SMAD1: variants seen among roughly 807,000 people sequenced by gnomAD.
SMAD1 encodes SMAD family member 1.
In SMAD1, 6 loss-of-function variants were observed where a neutral mutation model predicts 41.6. That is an observed-to-expected ratio of 0.14 (90% CI 0.08 to 0.28). SMAD1 has a LOEUF of 0.28. Among genes scored for constraint, SMAD1 ranks in the 10% least tolerant of loss-of-function variants. The pLI is 1.00. For synonymous variants in SMAD1, 206 were observed against 203.2 expected (o/e 1.01, Z -0.12); for missense variants, 379 against 582.6 (o/e 0.65, Z 3.60).
intron 1 of SMAD1, among the ~76,000 whole-genome samples, chr4:145,494,563 A>G (rs747880849): frequency 1.3e-5 from 2 of 152,042 alleles, no homozygotes; most frequent in African/African-American, 4.8e-5. Flanking sequence ...TCCCTTGTCT[A>G]CTCATCAAAA....
chr4:145,492,567 A>G (rs1349388719), intron 1 of SMAD1, among the ~76,000 whole-genome samples: 1 of 152,102 alleles, frequency 6.6e-6, no homozygotes, highest in African/African-American at 2.4e-5. Flanking sequence ...AGCTCTCTGA[A>G]CCTTGTCCTC....
At chr4:145,507,399 A>T (rs2126370615) in intron 1 of SMAD1, among the ~76,000 whole-genome samples, 1 of 152,150 alleles carries the variant, frequency 6.6e-6, no homozygotes, top group East Asian at 1.9e-4. Flanking sequence ...AGTTTTCCCC[A>T]AATTATTACG....
intron 1 of SMAD1, among the ~76,000 whole-genome samples, chr4:145,491,929 G>A (rs953991991): frequency 1.3e-5 from 2 of 152,154 alleles, no homozygotes; most frequent in African/African-American, 4.8e-5. Context: ...TTGGAGTATA[G>A]TTTTGATTAT....
Position 145,541,067 on chromosome 4 carries a change from T to G in SMAD1, c.658+1006T>G, listed in dbSNP as rs150767853. On this transcript the variant is annotated intron_variant, in intron 3 of 6. Coordinates refer to ENST00000302085, the MANE Select transcript of SMAD1 (RefSeq NM_005900.3). ...GATGAGGGTTGGGAGACAGACTAGT[T>G]TAAAAATCAAAGTAACTGGTGACTT... Among the ~76,000 whole-genome samples, 39 of 152,166 alleles carry G rather than the reference T, an allele frequency of 2.6e-4. 1 individual carries two copies. The East Asian group carries it at 7.6e-3, about 29-fold the overall frequency.
chr4:145,500,265 C>G (rs1395289013), intron 1 of SMAD1, among the ~76,000 whole-genome samples: 5 of 152,098 alleles, frequency 3.3e-5, no homozygotes, highest in Non-Finnish European at 7.4e-5. Flanking sequence ...GATGATGGCT[C>G]TCCTCTGCTC....
At chr4:145,505,219 C>A (rs1313681972) in intron 1 of SMAD1, among the ~76,000 whole-genome samples, 2 of 152,084 alleles carry the variant, frequency 1.3e-5, no homozygotes, top group African/African-American at 4.8e-5. Context: ...CCCCTTTGAC[C>A]TTTTTTGATG....
intron 4 of SMAD1, chr4:145,545,616 G>A (rs907788599): frequency 6.6e-6 from 1 of 151,232 alleles, no homozygotes; most frequent in Non-Finnish European, 1.5e-5. Flanking sequence ...AAATTCTAAA[G>A]TAAAGTGCAT....
rs987150241 is a variant in SMAD1, at chr4:145,514,497, C to G, written c.-117C>G. 2.3e-5 allele frequency: 23 copies of G among 1,019,670 alleles called. No individual in the cohort carries two copies. The highest frequency in any genetic ancestry group is 1.4e-4 in the Admixed American group (5 of 36,148). The allele number at this position is 1,019,670 out of a possible 1,614,324, so 63.2% of individuals were successfully genotyped here. ...TGGTAATTTCTACTCTTCTGGACTT[C>G]AAACTAAGAAGTTAAAGAGACTTCT... On this transcript the variant is annotated 5_prime_UTR_variant, in exon 2 of 7. Transcript: ENST00000302085. This position sits in a 1 kb window ranked among gnomAD's most constrained non-coding sequence, Gnocchi z 4.7.
chr4:145,513,546 T>C (rs1451426033), intron 1 of SMAD1, among the ~76,000 whole-genome samples: 1 of 152,064 alleles, frequency 6.6e-6, no homozygotes, highest in African/African-American at 2.4e-5. Context: ...AAGCAGGAGA[T>C]GTATTTCCTA....
intron 2 of SMAD1, among the ~76,000 whole-genome samples, chr4:145,529,129 G>A (rs534898114): frequency 6.6e-6 from 1 of 152,156 alleles, no homozygotes; most frequent in South Asian, 2.1e-4. Flanking sequence ...CTAGTTAATC[G>A]GCTAGTAAAT....
intron 2 of SMAD1, among the ~76,000 whole-genome samples, chr4:145,523,790 A>AG (rs1447311472): frequency 6.6e-6 from 1 of 152,120 alleles, no homozygotes; most frequent in Non-Finnish European, 1.5e-5. Context: ...TTCTGGCAGG[A>AG]GGGGTGCCTT....
intron 1 of SMAD1, among the ~76,000 whole-genome samples, chr4:145,486,942 G>A (rs1728507603): frequency 1.3e-5 from 2 of 152,108 alleles, no homozygotes; most frequent in African/African-American, 4.8e-5. Context: ...TTTGGTGTAA[G>A]CATATCCAGT....
intron 6 of SMAD1, among the ~76,000 whole-genome samples, chr4:145,556,413 T>C (rs576673568): frequency 6.6e-6 from 1 of 152,266 alleles, no homozygotes; most frequent in Non-Finnish European, 1.5e-5. Flanking sequence ...TACATAGATG[T>C]AGTTCATACA....
chr4:145,518,639 A>G (rs533655192), intron 2 of SMAD1, among the ~76,000 whole-genome samples: 3 of 126,750 alleles, frequency 2.4e-5, no homozygotes, highest in Non-Finnish European at 5.8e-5. Flanking sequence ...ACATATACAC[A>G]GCTCAACACT....
intron 5 of SMAD1, among the ~76,000 whole-genome samples, chr4:145,552,761 A>G (rs921248812): frequency 2.0e-5 from 3 of 152,158 alleles, no homozygotes; most frequent in African/African-American, 4.8e-5. Flanking sequence ...TAGCTGTACA[A>G]TAAATGCAAG....
At chr4:145,556,256 A>G (rs904958338) in intron 6 of SMAD1, among the ~76,000 whole-genome samples, 2 of 152,162 alleles carry the variant, frequency 1.3e-5, no homozygotes, top group African/African-American at 4.8e-5. Flanking sequence ...TATGCTGTAT[A>G]TTGGAGGTAA....
intron 2 of SMAD1, among the ~76,000 whole-genome samples, chr4:145,521,224 A>T (rs1002745693): frequency 5.9e-5 from 9 of 152,216 alleles, no homozygotes; most frequent in African/African-American, 2.2e-4. Context: ...GTAAATGCTG[A>T]CAGTGGTTAA....
At chr4:145,552,512 G>T (rs559238177) in intron 5 of SMAD1, among the ~76,000 whole-genome samples, 30 of 152,250 alleles carry the variant, frequency 2.0e-4, no homozygotes, top group African/African-American at 5.5e-4. Flanking sequence ...TAAAGGCAGG[G>T]TAGGCCCAAT....
intron 1 of SMAD1, among the ~76,000 whole-genome samples, chr4:145,512,958 T>C (rs964752006): frequency 2.6e-5 from 4 of 152,204 alleles, no homozygotes; most frequent in Non-Finnish European, 4.4e-5. Flanking sequence ...TTTTTGCCCT[T>C]AGACTGGGGC....
Sources: allele counts gnomAD v4.1 joint callset (sites outside exome capture counted in the v4.1 genomes callset), GRCh38; gene constraint gnomAD v4.1.1; non-coding constraint Gnocchi (gnomAD v3.1); transcripts MANE v1.5; gene names NCBI Gene and HGNC (gene_info 2026-07-23, HGNC 2026-07-21).